The following LRBA variants were observed in gnomAD, a reference collection of about 807,000 sequenced individuals.
LRBA encodes the protein lipopolysaccharide-responsive and beige-like anchor protein.
Under a neutral mutation model 330.0 loss-of-function variants are expected in LRBA, and 176 were observed. That is an observed-to-expected ratio of 0.53 (90% confidence interval 0.47 to 0.60). The LOEUF is 0.60. Ranked by LOEUF, LRBA falls within the 20% of genes least tolerant of loss-of-function variation. LRBA has a pLI of 0.00. For synonymous variants in LRBA, 1,230 were observed against 1,193.0 expected (o/e 1.03, Z -0.64); for missense variants, 3,259 against 3,444.8 (o/e 0.95, Z 1.35).
At chr4:150,435,287 G>A (rs1264619346) in intron 46 of LRBA, among the ~76,000 whole-genome samples, 1 of 152,130 alleles carries the variant, frequency 6.6e-6, no homozygotes, top group Admixed American at 6.6e-5. Context: ...AGAGGTGGAG[G>A]TGGCAGTGAG....
intron 22 of LRBA, 24 bp from the exon 23 acceptor site, chr4:150,852,967 T>C (rs752034996): frequency 7.0e-5 from 100 of 1,419,814 alleles, no homozygotes; most frequent in Non-Finnish European, 9.0e-5. Flanking sequence ...GTACAATCAG[T>C]TAAAATATGC....
In LRBA at chr4:150,968,926, T is replaced by C. The variant is rs139974798; in HGVS notation, c.217-39861A>G. 4.6e-3 allele frequency among the ~76,000 whole-genome samples: 703 copies of C among 152,314 alleles called. 4 individuals carry two copies. The highest frequency in any genetic ancestry group is 0.016 in the African/African-American group (668 of 41,578). On this transcript the variant is annotated intron_variant, in intron 2 of 56. Transcript: ENST00000651943. ...AGTTGAAGGCAATGCTCACAAACCA[T>C]TCTGAAAATCGTAAGATCCTTCAGA...
At chr4:150,347,736 T>C (rs1363462602) in intron 48 of LRBA, among the ~76,000 whole-genome samples, 1 of 152,126 alleles carries the variant, frequency 6.6e-6, no homozygotes, top group African/African-American at 2.4e-5. Context: ...TTATAATGTG[T>C]TAGTTTAGGT....
intron 36 of LRBA, among the ~76,000 whole-genome samples, chr4:150,717,295 T>C (rs1311133317): frequency 6.6e-6 from 1 of 152,160 alleles, no homozygotes; most frequent in East Asian, 1.9e-4. Flanking sequence ...TTATAAGTAC[T>C]CACAAAAATG....
At chr4:150,343,041 G>A (rs1294688170) in intron 48 of LRBA, among the ~76,000 whole-genome samples, 5 of 151,502 alleles carry the variant, frequency 3.3e-5, no homozygotes, top group African/African-American at 7.3e-5. Context: ...AAAGAGAGGC[G>A]TGGCCTGGAG....
intron 37 of LRBA, among the ~76,000 whole-genome samples, chr4:150,659,051 T>G (rs1340366000): frequency 6.1e-5 from 8 of 130,824 alleles, no homozygotes. Context: ...TGCAGTGGCG[T>G]GATCTCGGCT....
chr4:150,399,049 AT>A (rs1745130255), intron 47 of LRBA, among the ~76,000 whole-genome samples: 1 of 152,218 alleles, frequency 6.6e-6, no homozygotes, highest in South Asian at 2.1e-4. Context: ...TTGCAATTTA[AT>A]TTTAGTAAAT....
At chr4:150,784,811 A>T (rs1400640387) in intron 34 of LRBA, among the ~76,000 whole-genome samples, 1 of 152,184 alleles carries the variant, frequency 6.6e-6, no homozygotes, top group Non-Finnish European at 1.5e-5. Context: ...CATGAGGATC[A>T]AGAACCCTGG....
At chr4:150,948,937 A>C (rs1424875580) in intron 2 of LRBA, among the ~76,000 whole-genome samples, 1 of 151,948 alleles carries the variant, frequency 6.6e-6, no homozygotes, top group Non-Finnish European at 1.5e-5. Context: ...TGACAACACC[A>C]AATGCTGGTG....
In LRBA at chr4:150,778,669, C is replaced by T. The variant is rs116135686; in HGVS notation, c.5581-16822G>A. ...TTCCATAAAGGTGACAAAAAAGTTG[C>T]TCTAACTCTTTCCAGCTACAAGCTC... On this transcript the variant is annotated intron_variant, in intron 34 of 56. Coordinates refer to ENST00000651943, the MANE Select transcript of LRBA (RefSeq NM_001364905.1). Among the ~76,000 whole-genome samples, 699 of 152,232 alleles carry T rather than the reference C, an allele frequency of 4.6e-3. 6 individuals carry two copies. Among genetic ancestry groups the T allele is most frequent in the African/African-American group, 0.016 (668 of 41,530 alleles).
At chr4:150,655,614 G>C (rs571324183) in intron 37 of LRBA, among the ~76,000 whole-genome samples, 2 of 152,184 alleles carry the variant, frequency 1.3e-5, no homozygotes, top group African/African-American at 4.8e-5. Context: ...GGCATTGACT[G>C]AAAAACTGAC....
intron 13 of LRBA, among the ~76,000 whole-genome samples, chr4:150,900,551 T>G (rs1730609887): frequency 6.6e-6 from 1 of 152,342 alleles, no homozygotes; most frequent in Middle Eastern, 3.4e-3. Flanking sequence ...TATAATAGAC[T>G]TATTACTTAT....
At position 150,964,424 on chromosome 4, in the gene LRBA, T is replaced by C. The variant is rs1228696884; in HGVS notation, c.217-35359A>G. On this transcript the variant is annotated intron_variant, in intron 2 of 56. Coordinates refer to ENST00000651943, the MANE Select transcript of LRBA (RefSeq NM_001364905.1). ...AAAAGAAGGAGAGGTCGGATTGTTA[T>C]TGTGTCTGTGTGGAAAGAAGTAGAC... 6.0e-5 allele frequency among the ~76,000 whole-genome samples: 9 copies of C among 149,656 alleles called. 2 individuals carry two copies. Among genetic ancestry groups the C allele is most frequent in the African/African-American group, 2.1e-4 (8 of 38,966 alleles).
chr4:150,508,563 T>A (rs4696462), intron 40 of LRBA, among the ~76,000 whole-genome samples: 22,425 of 151,928 alleles, frequency 0.15, 1,680 homozygotes, highest in Middle Eastern at 0.18. Context: ...TGTGGGATTA[T>A]AGGCAGGAGC....
At chr4:150,541,484 C>A (rs1159911798) in intron 40 of LRBA, among the ~76,000 whole-genome samples, 3 of 152,134 alleles carry the variant, frequency 2.0e-5, no homozygotes, top group Admixed American at 2.0e-4. Context: ...TCATATATAA[C>A]AGTTCTTAAG....
intron 44 of LRBA, among the ~76,000 whole-genome samples, chr4:150,443,961 G>A (rs1184474493): frequency 6.8e-6 from 1 of 147,954 alleles, no homozygotes; most frequent in Non-Finnish European, 1.5e-5. Context: ...CTGGTACGCT[G>A]CCTCTGCAAG....
rs2126810390 is a variant in LRBA at position 150,828,171 on chromosome 4, T to C, written c.5171+9A>G. On this transcript the variant is annotated intron_variant, in intron 30 of 56. Coordinates refer to ENST00000651943, the MANE Select transcript of LRBA (RefSeq NM_001364905.1). ...GAAACATACCAAAACGAAAAACTAT[T>C]ATCAGTACCTGTCAAAAGATCTGAA... The C allele has an allele frequency of 1.2e-6, 2 of 1,612,028 alleles. No individual in the cohort carries two copies. The highest frequency in any genetic ancestry group is 1.7e-6 in the Non-Finnish European group (2 of 1,178,500).
intron 48 of LRBA, among the ~76,000 whole-genome samples, chr4:150,332,854 A>T (rs1267632145): frequency 5.3e-5 from 8 of 152,200 alleles, no homozygotes; most frequent in Non-Finnish European, 8.8e-5. Context: ...TATATTTTAT[A>T]AACAGCATCT....
intron 37 of LRBA, among the ~76,000 whole-genome samples, chr4:150,660,756 T>C (rs1780984894): frequency 7.9e-6 from 1 of 127,276 alleles, no homozygotes. Flanking sequence ...ATCCTGTTGA[T>C]CTGTGACCTT....
Sources: allele counts gnomAD v4.1 joint callset (sites outside exome capture counted in the v4.1 genomes callset), GRCh38; gene constraint gnomAD v4.1.1; transcripts MANE v1.5; gene names NCBI Gene and HGNC (gene_info 2026-07-23, HGNC 2026-07-21).